CDK14: variants seen among roughly 807,000 people sequenced by gnomAD.
The protein encoded by CDK14 is cyclin dependent kinase 14, also known as cyclin-dependent kinase 14.
In CDK14, 34 loss-of-function variants were observed where a neutral mutation model predicts 60.7. The observed-to-expected ratio is 0.56, with a 90% CI of 0.43 to 0.75. The LOEUF is 0.75. Among genes scored for constraint, CDK14 ranks in the 30% least tolerant of loss-of-function variants. The pLI, the probability that CDK14 is intolerant of heterozygous loss-of-function variation, is 0.00. For missense variants in CDK14, 482 were observed against 564.1 expected (o/e 0.85, Z 1.47); for synonymous variants, 197 against 203.7 (o/e 0.97, Z 0.28).
At chr7:90,733,052 T>C (rs1399197538) in intron 3 of CDK14, among the ~76,000 whole-genome samples, 2 of 152,194 alleles carry the variant, frequency 1.3e-5, no homozygotes, top group Non-Finnish European at 2.9e-5. Context: ...TTTGTTCTCG[T>C]TGGTTTCAAA....
At chr7:91,017,542 T>C (rs1796331678) in intron 10 of CDK14, among the ~76,000 whole-genome samples, 1 of 152,268 alleles carries the variant, frequency 6.6e-6, no homozygotes, top group African/African-American at 2.4e-5. Context: ...TCAGCTTTCA[T>C]ATACACTTTA....
chr7:90,650,090 A>G (rs1436387737), intron 2 of CDK14, among the ~76,000 whole-genome samples: 3 of 152,178 alleles, frequency 2.0e-5, no homozygotes, highest in African/African-American at 4.8e-5. Flanking sequence ...GTAAAAGTCT[A>G]CTTATTTCTC....
At chr7:91,124,745 C>T (rs1280790993) in intron 14 of CDK14, among the ~76,000 whole-genome samples, 1 of 152,138 alleles carries the variant, frequency 6.6e-6, no homozygotes, top group Non-Finnish European at 1.5e-5. Context: ...TAGCCAGCAG[C>T]ATAATATGAG....
At chr7:91,062,730 C>G (rs1010593637) in intron 11 of CDK14, among the ~76,000 whole-genome samples, 1 of 151,998 alleles carries the variant, frequency 6.6e-6, no homozygotes, top group Non-Finnish European at 1.5e-5. Flanking sequence ...AGCCGAAGCT[C>G]AGTGAGGAAA....
At chr7:90,733,375 A>C (rs987652942) in intron 3 of CDK14, among the ~76,000 whole-genome samples, 7 of 152,134 alleles carry the variant, frequency 4.6e-5, no homozygotes, top group Non-Finnish European at 7.4e-5. Flanking sequence ...AGCTGAGTTC[A>C]AGTCCTAGAT....
intron 4 of CDK14, among the ~76,000 whole-genome samples, chr7:90,773,853 TCTCCTCTCCTCTC>T (rs1804890652): frequency 1.6e-5 from 1 of 61,678 alleles, no homozygotes; most frequent in Non-Finnish European, 3.6e-5. Context: ...CCTCCTCTCC[TCTCCTCTCCTCTC>T]CTCTCCTCTC....
At chr7:91,082,312 C>T (rs1798504897) in intron 12 of CDK14, among the ~76,000 whole-genome samples, 1 of 152,164 alleles carries the variant, frequency 6.6e-6, no homozygotes, top group Admixed American at 6.6e-5. Flanking sequence ...AAAAAGAGAA[C>T]TAAGGATAAA....
intron 10 of CDK14, among the ~76,000 whole-genome samples, chr7:91,015,109 C>T (rs1399096684): frequency 6.6e-6 from 1 of 152,046 alleles, no homozygotes; most frequent in South Asian, 2.1e-4. Flanking sequence ...TGTGTTTTTG[C>T]TAATTTTTTT....
intron 12 of CDK14, among the ~76,000 whole-genome samples, chr7:91,109,268 T>C (rs1375770938): frequency 2.0e-5 from 3 of 152,154 alleles, no homozygotes; most frequent in Non-Finnish European, 4.4e-5. Context: ...ATCAGTGAAA[T>C]GGTAATGTAT....
At chr7:90,821,099 T>C (rs1220646212) in intron 5 of CDK14, among the ~76,000 whole-genome samples, 1 of 152,178 alleles carries the variant, frequency 6.6e-6, no homozygotes, top group African/African-American at 2.4e-5. Flanking sequence ...TCTGGGCCCT[T>C]CTGATTATAT....
Position 90,769,993 on chromosome 7 carries a change from G to A in CDK14, c.465-20580G>A, listed in dbSNP as rs1018007810. Among the ~76,000 whole-genome samples the A allele has an allele frequency of 3.7e-4, 56 of 152,146 alleles. 1 individual carries two copies. Among genetic ancestry groups the A allele is most frequent in the African/African-American group, 1.3e-3 (53 of 41,438 alleles). ...AAGTGGCCAAATTCTTTTTTCTCAC[G>A]TAAAAGGAAATTAGATTTTTTTATT... On this transcript the variant is annotated intron_variant, in intron 4 of 14. Transcript: ENST00000380050.
intron 12 of CDK14, among the ~76,000 whole-genome samples, chr7:91,092,833 C>T (rs1798870135): frequency 6.6e-6 from 1 of 152,180 alleles, no homozygotes; most frequent in Non-Finnish European, 1.5e-5. Flanking sequence ...TTAAAAGTCA[C>T]TCCTTAAATT....
At position 90,624,132 on chromosome 7, in the gene CDK14, G is replaced by A. The variant is rs192214776; in HGVS notation, c.123+19883G>A. ...TGTAGAGGTGGAAATTGTACTCAGG[G>A]AAGGTAAGTGCTGTTCCCCAGGCCA... On this transcript the variant is annotated intron_variant, in intron 2 of 14. Coordinates refer to ENST00000380050, the MANE Select transcript of CDK14 (RefSeq NM_001287135.2). 2.7e-3 allele frequency among the ~76,000 whole-genome samples: 412 copies of A among 152,262 alleles called. 4 individuals are homozygous for A. Among genetic ancestry groups the A allele is most frequent in the African/African-American group, 9.6e-3 (400 of 41,554 alleles).
intron 8 of CDK14, among the ~76,000 whole-genome samples, chr7:90,931,777 A>ATTTT: frequency 2.3e-5 from 1 of 43,304 alleles, no homozygotes; most frequent in East Asian, 2.1e-3. Flanking sequence ...TCATCTTTGG[A>ATTTT]TTTTGTGTGT....
chr7:90,969,790 T>G (rs965944702), intron 9 of CDK14, among the ~76,000 whole-genome samples: 1 of 152,160 alleles, frequency 6.6e-6, no homozygotes, highest in African/African-American at 2.4e-5. Context: ...TTCTTTTTTT[T>G]CTTACAGTAG....
chr7:90,601,928 A>G (rs887211327), intron 1 of CDK14, among the ~76,000 whole-genome samples: 1 of 86,178 alleles, frequency 1.2e-5, no homozygotes, highest in Non-Finnish European at 2.4e-5. Flanking sequence ...AATTTTATGT[A>G]TGTATGTATG....
chr7:90,713,647 T>A (rs2116656512), intron 2 of CDK14, among the ~76,000 whole-genome samples: 1 of 144,976 alleles, frequency 6.9e-6, no homozygotes, highest in South Asian at 2.2e-4. Context: ...TTTTTTTTCA[T>A]CAGGAGAGAT....
chr7:91,102,731 A>G (rs1051483210), intron 12 of CDK14, among the ~76,000 whole-genome samples: 29 of 143,558 alleles, frequency 2.0e-4, no homozygotes, highest in Non-Finnish European at 1.1e-4. Context: ...ACCAAATCAG[A>G]AAAAAAAAAA....
At chr7:91,024,730 T>C (rs1796528332) in intron 10 of CDK14, among the ~76,000 whole-genome samples, 1 of 152,196 alleles carries the variant, frequency 6.6e-6, no homozygotes, top group Non-Finnish European at 1.5e-5. Flanking sequence ...GTAGTGCCTT[T>C]CCATGATCAT....
Sources: gnomAD v4.1 joint callset for allele counts (sites outside exome capture counted in the v4.1 genomes callset) on GRCh38, gnomAD v4.1.1 for gene constraint, MANE v1.5 for transcripts, NCBI Gene and HGNC (gene_info 2026-07-23, HGNC 2026-07-21) for gene names.